The following PDE7B variants were observed in gnomAD, a reference collection of about 807,000 sequenced individuals.
PDE7B encodes phosphodiesterase 7B, also known as 3',5'-cyclic-AMP phosphodiesterase 7B.
In PDE7B, 29 loss-of-function variants were observed where a neutral mutation model predicts 56.2. The observed-to-expected ratio is 0.52, with a 90% confidence interval of 0.38 to 0.70. PDE7B has a LOEUF of 0.70. Ranked by LOEUF, PDE7B falls within the 30% of genes least tolerant of loss-of-function variation. The pLI, the probability that PDE7B is intolerant of heterozygous loss-of-function variation, is 0.00. For missense variants in PDE7B, 490 were observed against 565.0 expected, an observed-to-expected ratio of 0.87 and a Z score of 1.35; for synonymous variants, 197 against 196.9, an observed-to-expected ratio of 1.00 and a Z score of 0.00.
At chr6:136,180,399 G>C (rs1455664609) in intron 10 of PDE7B, among the ~76,000 whole-genome samples, 2 of 152,140 alleles carry the variant, frequency 1.3e-5, no homozygotes, top group Non-Finnish European at 1.5e-5. Flanking sequence ...GGCTGGAGGA[G>C]GCTTCTCTGA....
chr6:136,141,709 C>T (rs1051475823), intron 3 of PDE7B, among the ~76,000 whole-genome samples: 4 of 152,098 alleles, frequency 2.6e-5, no homozygotes, highest in African/African-American at 4.8e-5. Context: ...GTGTATGTGT[C>T]GAGGAATTTA....
chr6:136,176,123 C>T (rs1003277569), intron 9 of PDE7B, among the ~76,000 whole-genome samples: 1 of 152,080 alleles, frequency 6.6e-6, no homozygotes, highest in Non-Finnish European at 1.5e-5. Context: ...TGGTCTCTTC[C>T]TATTTTCCTA....
At chr6:135,974,977 G>A (rs1041135562) in intron 2 of PDE7B, among the ~76,000 whole-genome samples, 1 of 152,068 alleles carries the variant, frequency 6.6e-6, no homozygotes, top group African/African-American at 2.4e-5. Context: ...AAAGGGTGAG[G>A]TGCAAGAGTG....
intron 7 of PDE7B, among the ~76,000 whole-genome samples, chr6:136,154,667 A>G (rs1778577473): frequency 6.6e-6 from 1 of 152,198 alleles, no homozygotes; most frequent in Non-Finnish European, 1.5e-5. Flanking sequence ...TGTGAATGTC[A>G]AAGACCTCTT....
At chr6:135,983,407 A>G (rs1452818743) in intron 2 of PDE7B, among the ~76,000 whole-genome samples, 1 of 152,222 alleles carries the variant, frequency 6.6e-6, no homozygotes, top group East Asian at 1.9e-4. Context: ...TGTTGTGTGT[A>G]ATATCAGTTG....
intron 2 of PDE7B, chr6:136,034,113 T>C (rs1776287272): frequency 6.6e-6 from 1 of 152,156 alleles, no homozygotes; most frequent in Non-Finnish European, 1.5e-5. Flanking sequence ...TGAAAGAAAA[T>C]GACAAGGGAT....
intron 11 of PDE7B, among the ~76,000 whole-genome samples, 159 bp from the exon 12 acceptor site, chr6:136,186,877 G>T (rs1163539797): frequency 1.3e-5 from 2 of 152,174 alleles, no homozygotes; most frequent in African/African-American, 4.8e-5. Context: ...CTGAAGTAAG[G>T]CAGAGCAAGT....
intron 2 of PDE7B, among the ~76,000 whole-genome samples, chr6:136,055,668 T>C (rs1162533992): frequency 1.3e-5 from 2 of 152,170 alleles, no homozygotes; most frequent in Non-Finnish European, 2.9e-5. Context: ...ACAGTAAATA[T>C]GAAAACAAGT....
chr6:136,101,201 T>C (rs917219128), intron 2 of PDE7B, among the ~76,000 whole-genome samples: 1 of 152,240 alleles, frequency 6.6e-6, no homozygotes, highest in Non-Finnish European at 1.5e-5. Context: ...TCAATGTTCA[T>C]CAGGGATATT....
intron 2 of PDE7B, among the ~76,000 whole-genome samples, chr6:136,021,555 A>T (rs1776071829): frequency 1.3e-5 from 2 of 151,904 alleles, no homozygotes; most frequent in Middle Eastern, 3.2e-3. Context: ...GAGGCTGGAG[A>T]ATTGCTTGAA....
At chr6:136,110,646 A>G (rs1777727404) in intron 3 of PDE7B, among the ~76,000 whole-genome samples, 1 of 151,844 alleles carries the variant, frequency 6.6e-6, no homozygotes, top group African/African-American at 2.4e-5. Flanking sequence ...TTTACTGCTA[A>G]TGGTGGTTAT....
intron 2 of PDE7B, among the ~76,000 whole-genome samples, chr6:136,088,001 C>T (rs538861880): frequency 2.6e-5 from 4 of 152,266 alleles, no homozygotes; most frequent in African/African-American, 4.8e-5. Context: ...CTCTAAATCA[C>T]GTAAGGAAGA....
chr6:135,916,101 A>G (rs1243259816), intron 1 of PDE7B, among the ~76,000 whole-genome samples: 1 of 152,160 alleles, frequency 6.6e-6, no homozygotes, highest in Non-Finnish European at 1.5e-5. Context: ...AAGTAGGTAA[A>G]TTTTATCTTT....
At chr6:136,017,656 A>G (rs1776000662) in intron 2 of PDE7B, among the ~76,000 whole-genome samples, 1 of 152,072 alleles carries the variant, frequency 6.6e-6, no homozygotes, top group African/African-American at 2.4e-5. Flanking sequence ...AACCACGTAA[A>G]CTTTAAACTC....
intron 2 of PDE7B, among the ~76,000 whole-genome samples, chr6:135,986,684 C>T (rs1044252621): frequency 6.6e-6 from 1 of 152,160 alleles, no homozygotes; most frequent in African/African-American, 2.4e-5. Flanking sequence ...ATTCTTCATA[C>T]GTTTTCTGAA....
intron 2 of PDE7B, among the ~76,000 whole-genome samples, chr6:135,953,583 T>C (rs1774738270): frequency 1.3e-5 from 2 of 152,138 alleles, no homozygotes; most frequent in Admixed American, 1.3e-4. Flanking sequence ...ACTATAAATA[T>C]AAGTTATTAT....
chr6:136,101,754 A>C (rs1445977403), intron 2 of PDE7B, among the ~76,000 whole-genome samples: 1 of 152,166 alleles, frequency 6.6e-6, no homozygotes, highest in Non-Finnish European at 1.5e-5. Flanking sequence ...TACACACTCC[A>C]GTGGAGTCTA....
chr6:136,145,252 AC>A (rs1324555520), intron 3 of PDE7B, among the ~76,000 whole-genome samples: 1 of 152,110 alleles, frequency 6.6e-6, no homozygotes, highest in Non-Finnish European at 1.5e-5. Flanking sequence ...CCAATGGTTT[AC>A]AATCCATTCT....
chr6:136,128,939 G>C (rs944870605), intron 3 of PDE7B, among the ~76,000 whole-genome samples: 1 of 152,030 alleles, frequency 6.6e-6, no homozygotes, highest in Non-Finnish European at 1.5e-5. Flanking sequence ...AGAACCCCAA[G>C]CTTTAGACTG....
Sources: gnomAD v4.1 joint callset for allele counts (sites outside exome capture counted in the v4.1 genomes callset) on GRCh38, gnomAD v4.1.1 for gene constraint, MANE v1.5 for transcripts, NCBI Gene and HGNC (gene_info 2026-07-23, HGNC 2026-07-21) for gene names.